The following NFATC3 variants were observed in gnomAD, a reference collection of about 807,000 sequenced individuals.
NFATC3 encodes the protein nuclear factor of activated T-cells, cytoplasmic 3.
NFATC3 carries 46 observed loss-of-function variants against 98.6 expected under a neutral mutation model. The observed-to-expected ratio is 0.47, with a 90% confidence interval of 0.37 to 0.60. The LOEUF is 0.60. Ranked by LOEUF, NFATC3 falls within the 20% of genes least tolerant of loss-of-function variation. The pLI is 0.00. For synonymous variants in NFATC3, 512 were observed against 472.2 expected (o/e 1.08, Z -1.09); for missense variants, 1,256 against 1,295.5 (o/e 0.97, Z 0.47).
intron 5 of NFATC3, 102 bp downstream of exon 5, chr16:68,167,117 T>G: frequency 8.1e-7 from 1 of 1,228,056 alleles, no homozygotes; most frequent in Non-Finnish European, 1.1e-6. Context: ...AACTGAGGCA[T>G]ACAATCTGGG....
chr16:68,153,176 C>T (rs1412516420), intron 3 of NFATC3, among the ~76,000 whole-genome samples: 1 of 151,950 alleles, frequency 6.6e-6, no homozygotes, highest in African/African-American at 2.4e-5. Flanking sequence ...GCAGGTGGAT[C>T]ACCTGAGGCC....
chr16:68,191,413 A>G lies in NFATC3; in HGVS notation c.2744A>G (p.Tyr915Cys), dbSNP rs749374140. 4 of 1,614,142 alleles carry G rather than the reference A, an allele frequency of 2.5e-6. No homozygotes were observed. In the South Asian group the frequency reaches 4.4e-5, roughly 18 times the overall value. Residue 915 changes from tyrosine to cysteine, a missense_variant, in exon 9 of 10, where the codon TAT becomes TGT. This residue lies in a region of NFATC3 where 636 missense variants were observed against 617.3 expected (regional missense o/e 1.03). Coordinates refer to ENST00000346183, the MANE Select transcript of NFATC3 (RefSeq NM_173165.3). ...TCGTCTCAGTTACAACCTATTACATATGGTCCTTCACATTCAGGGTCTGCT... is the reference window on the plus strand; with the variant it reads ...TCGTCTCAGTTACAACCTATTACATGTGGTCCTTCACATTCAGGGTCTGCT... ...QPSSQLQPIT[Y>C]GPSHSGSATT... is the part of the protein sequence containing the mutation.
At chr16:68,169,645 T>C (rs1049036903) in intron 5 of NFATC3, among the ~76,000 whole-genome samples, 3 of 152,008 alleles carry the variant, frequency 2.0e-5, no homozygotes, top group Non-Finnish European at 4.4e-5. Flanking sequence ...TTTTCTTTTT[T>C]TAAAAATAAA....
chr16:68,085,872 G>A (rs1272919250), intron 1 of NFATC3, 88 bp downstream of exon 1: 3 of 1,041,630 alleles, frequency 2.9e-6, no homozygotes, highest in African/African-American at 1.7e-5. Flanking sequence ...TTGGATGACC[G>A]GAGACCGATA....
intron 1 of NFATC3, among the ~76,000 whole-genome samples, chr16:68,107,895 C>T (rs549610542): frequency 1.3e-5 from 2 of 149,392 alleles, no homozygotes; most frequent in Non-Finnish European, 3.0e-5. Context: ...ATGTCCTTTG[C>T]CTACTTTTTA....
intron 4 of NFATC3, 30 bp from the exon 5 acceptor site, chr16:68,166,813 C>T: frequency 6.5e-7 from 1 of 1,543,300 alleles, no homozygotes; most frequent in East Asian, 2.3e-5. Flanking sequence ...TATCAATAAA[C>T]AAATTAAATT....
chr16:68,108,767 G>C (rs1412300289), intron 1 of NFATC3, among the ~76,000 whole-genome samples: 1 of 152,142 alleles, frequency 6.6e-6, no homozygotes, highest in Non-Finnish European at 1.5e-5. Flanking sequence ...GTGGTTTGTA[G>C]TTCTCCTTGA....
rs1196341717 is a variant in NFATC3 at position 68,120,572 on chromosome 16, G to GAAA, written c.104-1396_104-1394dup. On this transcript the variant is annotated intron_variant, in intron 1 of 9. Transcript: ENST00000346183. Reference sequence around the variant, plus strand: ...CAAGCCAGAGAGAGACTCTGTCTCAGAAAAAAAAAAAAAAAAAAAAATTAG... The same window carrying GAAA: ...CAAGCCAGAGAGAGACTCTGTCTCAGAAAAAAAAAAAAAAAAAAAAAAAATTAG... Among the ~76,000 whole-genome samples, 86 of 83,626 alleles carry GAAA rather than the reference G, an allele frequency of 1.0e-3. No homozygotes were observed. In the South Asian group the frequency reaches 0.025, roughly 24 times the overall value. The allele number at this position is 83,626 out of a possible 152,430, so 54.9% of individuals were successfully genotyped here. A position where few individuals can be genotyped will look rare whatever the true frequency, so the allele number is the denominator to read the frequency against.
At chr16:68,086,179 G>A (rs2034363557) in intron 1 of NFATC3, among the ~76,000 whole-genome samples, 1 of 152,150 alleles carries the variant, frequency 6.6e-6, no homozygotes, top group African/African-American at 2.4e-5. Context: ...TGAAATTTTA[G>A]TTTGAAAGAT....
chr16:68,202,618 C>T (rs1038405426), intron 9 of NFATC3, among the ~76,000 whole-genome samples: 1 of 152,096 alleles, frequency 6.6e-6, no homozygotes, highest in Non-Finnish European at 1.5e-5. Flanking sequence ...TTGAGACCAG[C>T]CTGGCCAATA....
chr16:68,205,729 G>A (rs932185053), intron 9 of NFATC3, among the ~76,000 whole-genome samples: 17 of 151,920 alleles, frequency 1.1e-4, no homozygotes, highest in African/African-American at 4.1e-4. Flanking sequence ...ATTTTTACTA[G>A]CATATTATGT....
At chr16:68,164,837 G>A (rs1380678476) in intron 4 of NFATC3, among the ~76,000 whole-genome samples, 2 of 152,078 alleles carry the variant, frequency 1.3e-5, no homozygotes, top group East Asian at 1.9e-4. Flanking sequence ...CCAAGATGGC[G>A]CCACTGCACT....
At position 68,122,591 on chromosome 16, in the gene NFATC3, A is replaced by G; in HGVS notation, c.708A>G (p.Ser236=). The change falls in exon 2 of 10, where the codon TCA becomes TCG. Residue 236 remains serine (S), a synonymous_variant. Transcript: ENST00000346183. The stretch of plus-strand genomic sequence containing the variant: ...AGTATGGACTTGGACACTCATTATC[A>G]CCCAGGCAATCTCCTTGCCACTCTC... ...HQQYGLGHSL[S]PRQSPCHSPR... 6.2e-7 allele frequency: 1 copy of G among 1,613,768 alleles called. No individual in the cohort carries two copies. The highest frequency in any genetic ancestry group is 8.5e-7 in the Non-Finnish European group (1 of 1,179,978).
chr16:68,164,816 G>A (rs929033590), intron 4 of NFATC3, among the ~76,000 whole-genome samples: 2 of 152,118 alleles, frequency 1.3e-5, no homozygotes, highest in African/African-American at 4.8e-5. Flanking sequence ...GGAGGCAGAG[G>A]TTGCAGTGAG....
In NFATC3 at chr16:68,085,614, T is replaced by C. The variant is rs1598326714; in HGVS notation, c.-68T>C. 5 of 1,380,312 alleles carry C rather than the reference T, an allele frequency of 3.6e-6. No homozygotes were observed. The East Asian group carries it at 1.2e-4, about 33-fold the overall frequency. 85.5% of individuals were successfully genotyped at this position (1,380,312 alleles called of 1,614,324 possible). ...CCGGCATGAAGCGGCGTTGAGGAGCTGCTGCCGCCGCTTGCCGCTGCCGCC... is the reference window on the plus strand; with the variant it reads ...CCGGCATGAAGCGGCGTTGAGGAGCCGCTGCCGCCGCTTGCCGCTGCCGCC... On this transcript the variant is annotated 5_prime_UTR_variant, in exon 1 of 10. Coordinates refer to ENST00000346183, the MANE Select transcript of NFATC3 (RefSeq NM_173165.3).
chr16:68,212,763 C>G (rs534373981), intron 9 of NFATC3: 1 of 141,962 alleles, frequency 7.0e-6, no homozygotes, highest in South Asian at 2.4e-4. Flanking sequence ...CTGCTATCTT[C>G]TATTTTGTTC....
chr16:68,214,504 C>G, intron 9 of NFATC3: 1 of 1,320,728 alleles, frequency 7.6e-7, no homozygotes, highest in Non-Finnish European at 1.1e-6. Flanking sequence ...GCTGGATTTG[C>G]ATGTGCTACA....
At chr16:68,097,908 G>A (rs918815408) in intron 1 of NFATC3, among the ~76,000 whole-genome samples, 2 of 152,050 alleles carry the variant, frequency 1.3e-5, no homozygotes, top group African/African-American at 2.4e-5. Flanking sequence ...CCAGACAACC[G>A]CTGAACTCAC....
At chr16:68,181,365 A>G in intron 6 of NFATC3, 110 bp from the exon 7 acceptor site, 1 of 746,122 alleles carries the variant, frequency 1.3e-6, no homozygotes, top group Non-Finnish European at 2.3e-6. Flanking sequence ...AAGTCAGTGG[A>G]AAAAAGATCC....
Sources: allele counts gnomAD v4.1 joint callset (sites outside exome capture counted in the v4.1 genomes callset), GRCh38; gene constraint gnomAD v4.1.1; regional missense constraint gnomAD v4.1.1; transcripts MANE v1.5; gene names NCBI Gene and HGNC (gene_info 2026-07-23, HGNC 2026-07-21).